Variants in HPD observed in about 807,000 individuals in gnomAD.
HPD encodes the protein 4-hydroxyphenylpyruvate dioxygenase, also known as 4-hydroxyphenylpyruvic acid oxidase.
HPD carries 35 observed loss-of-function variants against 56.9 expected under a neutral mutation model. The ratio of observed to expected loss-of-function variants is 0.62; its 90% confidence interval spans 0.47 to 0.82. The LOEUF (loss-of-function observed/expected upper bound fraction) is 0.82. Ranked by LOEUF, HPD falls within the 40% of genes least tolerant of loss-of-function variation. The pLI is 0.00. For synonymous variants in HPD, 186 were observed against 200.2 expected, an observed-to-expected ratio of 0.93 and a Z score of 0.60; for missense variants, 442 against 506.8, an observed-to-expected ratio of 0.87 and a Z score of 1.23.
chr12:121,868,323 C>T (rs1378633961), upstream of HPD, among the ~76,000 whole-genome samples: 1 of 152,080 alleles, frequency 6.6e-6, no homozygotes, highest in East Asian at 1.9e-4. Context: ...GGGCAATACA[C>T]TTCCTCATCT....
At chr12:121,845,011 G>A (rs945588347) in intron 11 of HPD, among the ~76,000 whole-genome samples, 2 of 151,106 alleles carry the variant, frequency 1.3e-5, no homozygotes, top group Non-Finnish European at 1.5e-5. Flanking sequence ...TTGAACCCAG[G>A]AGGTGGAGGT....
intron 12 of HPD, among the ~76,000 whole-genome samples, chr12:121,842,741 C>CTTT (rs34879391): frequency 2.8e-4 from 21 of 76,258 alleles, no homozygotes; most frequent in African/African-American, 3.5e-4. Context: ...TAAAATGGAT[C>CTTT]TTTTTTTTTT....
chr12:121,858,893 C>A (rs1878103641), upstream of HPD: 3 of 1,589,070 alleles, frequency 1.9e-6, no homozygotes, highest in Non-Finnish European at 2.6e-6. Context: ...TATTTAACCC[C>A]AAGCAGGTCC....
At chr12:121,882,860 G>C in the HPD span, among the ~76,000 whole-genome samples, 1 of 152,258 alleles carries the variant, frequency 6.6e-6, no homozygotes, top group South Asian at 2.1e-4. Context: ...AGCCTCCTGA[G>C]TAGCTGGGAT....
the HPD span, among the ~76,000 whole-genome samples, chr12:121,882,880 C>G: frequency 2.0e-5 from 3 of 152,040 alleles, no homozygotes; most frequent in Non-Finnish European, 4.4e-5. Flanking sequence ...TTACAGGCAC[C>G]TGCCACCAAA....
chr12:121,880,100 T>C, the HPD span, among the ~76,000 whole-genome samples: 7 of 151,152 alleles, frequency 4.6e-5, no homozygotes, highest in African/African-American at 9.8e-5. Flanking sequence ...TGAGCCATGA[T>C]TGCACCACTA....
At chr12:121,888,307 G>C in the HPD span, among the ~76,000 whole-genome samples, 19 of 152,270 alleles carry the variant, frequency 1.2e-4, no homozygotes, top group East Asian at 3.7e-3. Context: ...TACAGATGAG[G>C]AAACTGAGGC....
chr12:121,844,359 G>A (rs539250239), intron 11 of HPD, among the ~76,000 whole-genome samples: 35 of 152,038 alleles, frequency 2.3e-4, no homozygotes, highest in South Asian at 2.1e-4. Flanking sequence ...CACTTTCTAC[G>A]TATTCCCTCA....
chr12:121,885,016 G>T, the HPD span, among the ~76,000 whole-genome samples: 1 of 151,882 alleles, frequency 6.6e-6, no homozygotes, highest in Non-Finnish European at 1.5e-5. Context: ...TCAGTCTCCC[G>T]AGTAGCTGGG....
chr12:121,856,697 C>G, intron 4 of HPD, 72 bp from the exon 5 acceptor site: 6 of 1,427,186 alleles, frequency 4.2e-6, no homozygotes, highest in Non-Finnish European at 5.9e-6. Context: ...ATCGGCCCCT[C>G]CCTGCCGACC....
At chr12:121,855,715 A>ACG (rs1877967211) in intron 6 of HPD, among the ~76,000 whole-genome samples, 1 of 151,072 alleles carries the variant, frequency 6.6e-6, no homozygotes, top group African/African-American at 2.4e-5. Flanking sequence ...AGACTCTGAC[A>ACG]CACACACACA....
chr12:121,860,797 T>C (rs549715292), upstream of HPD, among the ~76,000 whole-genome samples: 1 of 152,278 alleles, frequency 6.6e-6, no homozygotes, highest in East Asian at 1.9e-4. Flanking sequence ...CCCCAGCCAC[T>C]CAGGAGGCTG....
upstream of HPD, among the ~76,000 whole-genome samples, chr12:121,862,545 C>T (rs1459806142): frequency 3.3e-5 from 5 of 150,598 alleles, no homozygotes; most frequent in Non-Finnish European, 7.4e-5. Flanking sequence ...GATCTGCCCA[C>T]CTCGGCCTCC....
the HPD span, among the ~76,000 whole-genome samples, chr12:121,884,765 T>C: frequency 1.3e-5 from 2 of 152,168 alleles, no homozygotes; most frequent in Middle Eastern, 3.4e-3. Flanking sequence ...AGAACATTTA[T>C]ATGTTTCACC....
upstream of HPD, chr12:121,858,925 CTGGGGGA>C: frequency 7.1e-7 from 1 of 1,410,966 alleles, no homozygotes; most frequent in Non-Finnish European, 1.0e-6. Context: ...CCTGGCCTAC[CTGGGGGA>C]TGGGGTGGGG....
At chr12:121,877,482 A>G in the HPD span, among the ~76,000 whole-genome samples, 1 of 151,998 alleles carries the variant, frequency 6.6e-6, no homozygotes, top group Non-Finnish European at 1.5e-5. Flanking sequence ...CTGTAGTCCC[A>G]GCACTTTGGG....
In HPD at chr12:121,856,304, C is replaced by T. The variant is rs147479059; in HGVS notation, c.324+20G>A. The stretch of plus-strand genomic sequence containing the variant: ...CAGACGGAGGCCTTCCTCTCTCAGT[C>T]CACCCAGGTGCTTTCTTACCTGCAC... On this transcript the variant is annotated intron_variant, in intron 6 of 13. Transcript: ENST00000289004. The T allele has an allele frequency of 3.7e-4, 592 of 1,604,710 alleles. 2 individuals carry two copies. In the African/African-American group the frequency reaches 6.6e-3, roughly 18 times the overall value.
At chr12:121,845,677 C>A (rs796604472) in intron 11 of HPD, among the ~76,000 whole-genome samples, 19 of 152,106 alleles carry the variant, frequency 1.2e-4, no homozygotes, top group African/African-American at 4.3e-4. Flanking sequence ...CTCAAGCAGT[C>A]CTCCTGCCTC....
the HPD span, among the ~76,000 whole-genome samples, chr12:121,869,194 A>G: frequency 6.6e-6 from 1 of 152,014 alleles, no homozygotes; most frequent in South Asian, 2.1e-4. Context: ...TACTAAAAAT[A>G]CAAAAATTAA....
Sources: gnomAD v4.1 joint callset for allele counts (sites outside exome capture counted in the v4.1 genomes callset) on GRCh38, gnomAD v4.1.1 for gene constraint, MANE v1.5 for transcripts, NCBI Gene and HGNC (gene_info 2026-07-23, HGNC 2026-07-21) for gene names.